RAB27A: variants seen among roughly 807,000 people sequenced by gnomAD.
The protein encoded by RAB27A is RAB27A, member RAS oncogene family, also known as ras-related protein Rab-27A.
Under a neutral mutation model 20.8 loss-of-function variants are expected in RAB27A, and 17 were observed. The ratio of observed to expected loss-of-function variants is 0.82; its 90% CI spans 0.56 to 1.23. The LOEUF is 1.23. Ranked by LOEUF, RAB27A falls within the 50% of genes most tolerant of loss-of-function variation. RAB27A has a pLI of 0.00. For synonymous variants in RAB27A, 85 were observed against 92.8 expected (o/e 0.92, Z 0.48); for missense variants, 277 against 266.7 (o/e 1.04, Z -0.27).
At chr15:55,307,329 T>C (rs1384880848) in intron 2 of RAB27A, among the ~76,000 whole-genome samples, 4 of 152,100 alleles carry the variant, frequency 2.6e-5, no homozygotes, top group Non-Finnish European at 4.4e-5. Context: ...CTGTATGGGC[T>C]AAGTCCTGCT....
chr15:55,227,359 G>A (rs1895850723), intron 5 of RAB27A, among the ~76,000 whole-genome samples: 1 of 152,120 alleles, frequency 6.6e-6, no homozygotes, highest in African/African-American at 2.4e-5. Flanking sequence ...TTGTTCTGAT[G>A]ATGCAAAGGA....
chr15:55,219,136 T>C (rs1453226930), intron 6 of RAB27A, among the ~76,000 whole-genome samples: 2 of 152,206 alleles, frequency 1.3e-5, no homozygotes, highest in Non-Finnish European at 2.9e-5. Flanking sequence ...GAATAAAGTA[T>C]GGACAGACAT....
At chr15:55,224,416 C>T (rs1197716275) in intron 5 of RAB27A, among the ~76,000 whole-genome samples, 1 of 152,136 alleles carries the variant, frequency 6.6e-6, no homozygotes, top group Non-Finnish European at 1.5e-5. Flanking sequence ...TTTTTTTCTC[C>T]ATAGCAATGA....
At chr15:55,229,457 C>T (rs370384840) in intron 4 of RAB27A, among the ~76,000 whole-genome samples, 1 of 152,154 alleles carries the variant, frequency 6.6e-6, no homozygotes, top group Non-Finnish European at 1.5e-5. Flanking sequence ...AGGCAGATCA[C>T]CTGAAGTCAG....
At chr15:55,291,704 T>C (rs1898316771), upstream of RAB27A, among the ~76,000 whole-genome samples, 1 of 152,074 alleles carries the variant, frequency 6.6e-6, no homozygotes, top group East Asian at 1.9e-4. Context: ...GGCAAGGCTC[T>C]CACCAGGAGT....
chr15:55,223,804 C>G, intron 6 of RAB27A, 85 bp downstream of exon 6: 1 of 1,538,018 alleles, frequency 6.5e-7, no homozygotes, highest in Non-Finnish European at 8.9e-7. Flanking sequence ...CTTTAATTGT[C>G]CACTTTTATC....
chr15:55,309,184 C>A (rs2055009938), intron 2 of RAB27A, among the ~76,000 whole-genome samples: 2 of 152,170 alleles, frequency 1.3e-5, no homozygotes, highest in Non-Finnish European at 2.9e-5. Context: ...TTTCACCGTA[C>A]CTGGGAATCC....
intron 2 of RAB27A, among the ~76,000 whole-genome samples, chr15:55,256,475 C>A (rs979058081): frequency 9.9e-5 from 15 of 152,156 alleles, no homozygotes; most frequent in Admixed American, 5.9e-4. Context: ...AGGACCTGAG[C>A]TGAGCACCTT....
chr15:55,300,252 G>C (rs2054966414), intron 2 of RAB27A, among the ~76,000 whole-genome samples: 1 of 152,142 alleles, frequency 6.6e-6, no homozygotes, highest in South Asian at 2.1e-4. Context: ...ATTATAATAT[G>C]CTTGCGTGTG....
rs563897028 is a variant in RAB27A, at chr15:55,255,715, C to T, written c.-23+14450G>A. Among the ~76,000 whole-genome samples, 10 of 152,222 alleles carry T rather than the reference C, an allele frequency of 6.6e-5. 1 individual carries two copies. The highest frequency in any genetic ancestry group is 2.1e-4 in the South Asian group (1 of 4,822). On this transcript the variant is annotated intron_variant, in intron 2 of 6. Coordinates refer to ENST00000336787, the MANE Select transcript of RAB27A (RefSeq NM_183235.3). ...CTTTCCAGTACGGTGCTAGCAACTA[C>T]GAATGGCATGAAAGAAACACAGGAT... is the stretch of plus-strand genomic sequence containing the variant.
intron 2 of RAB27A, among the ~76,000 whole-genome samples, chr15:55,310,291 G>A (rs542638338): frequency 1.3e-5 from 2 of 152,120 alleles, no homozygotes; most frequent in African/African-American, 2.4e-5. Flanking sequence ...CCACGCCAGT[G>A]TCCAGGAGAC....
chr15:55,271,419 A>T (rs955932602), intron 1 of RAB27A, among the ~76,000 whole-genome samples: 2 of 152,226 alleles, frequency 1.3e-5, no homozygotes, highest in Non-Finnish European at 2.9e-5. Context: ...AGGATAGGGC[A>T]CAGGTGTCTG....
At chr15:55,274,820 A>ATATATATATATATATG (rs1555399471) in intron 1 of RAB27A, among the ~76,000 whole-genome samples, 6 of 138,654 alleles carry the variant, frequency 4.3e-5, no homozygotes, top group Non-Finnish European at 9.5e-5. Context: ...ATATATATAT[A>ATATATATATATATATG]TATATGTATA....
intron 2 of RAB27A, among the ~76,000 whole-genome samples, chr15:55,255,738 G>T (rs1433252918): frequency 6.6e-6 from 1 of 152,116 alleles, no homozygotes; most frequent in African/African-American, 2.4e-5. Context: ...AGAAACACAG[G>T]ATCCAACTGC....
intron 2 of RAB27A, among the ~76,000 whole-genome samples, chr15:55,266,814 G>T (rs1015369784): frequency 1.3e-5 from 2 of 152,176 alleles, no homozygotes; most frequent in African/African-American, 4.8e-5. Flanking sequence ...ACATTACACT[G>T]TACGGTACAC....
At chr15:55,243,006 C>T (rs1017355744) in intron 2 of RAB27A, among the ~76,000 whole-genome samples, 1 of 152,116 alleles carries the variant, frequency 6.6e-6, no homozygotes, top group Non-Finnish European at 1.5e-5. Context: ...TTCTTCAGTG[C>T]CAGCAGTTAT....
intron 2 of RAB27A, among the ~76,000 whole-genome samples, chr15:55,254,005 T>A (rs182731740): frequency 2.0e-5 from 3 of 152,306 alleles, no homozygotes; most frequent in Non-Finnish European, 4.4e-5. Context: ...GTACACTTAA[T>A]TTTTTAAATG....
At chr15:55,298,622 T>G (rs1481708333) in intron 2 of RAB27A, among the ~76,000 whole-genome samples, 2 of 152,100 alleles carry the variant, frequency 1.3e-5, no homozygotes, top group East Asian at 3.9e-4. Context: ...GGAGACAGGG[T>G]TTTGAGAGCA....
At chr15:55,317,938 T>G (rs1465364582) in intron 1 of RAB27A, 4 of 383,158 alleles carry the variant, frequency 1.0e-5, no homozygotes, top group African/African-American at 2.1e-5. Context: ...ATGTCACTAC[T>G]TTGCACTGGA....
Sources: gnomAD v4.1 joint callset for allele counts (sites outside exome capture counted in the v4.1 genomes callset) on GRCh38, gnomAD v4.1.1 for gene constraint, MANE v1.5 for transcripts, NCBI Gene and HGNC (gene_info 2026-07-23, HGNC 2026-07-21) for gene names.